MBTPS1: variants seen among roughly 807,000 people sequenced by gnomAD.
MBTPS1 encodes the protein membrane-bound transcription factor site-1 protease.
In MBTPS1, 94 loss-of-function variants were observed where a neutral mutation model predicts 127.8. The observed-to-expected ratio is 0.74, with a 90% CI of 0.62 to 0.87. The LOEUF is 0.87. Among genes scored for constraint, MBTPS1 ranks in the 40% least tolerant of loss-of-function variants. The pLI, the probability that MBTPS1 is intolerant of heterozygous loss-of-function variation, is 0.00. For synonymous variants in MBTPS1, 632 were observed against 509.4 expected (o/e 1.24, Z -3.24); for missense variants, 1,636 against 1,353.2 (o/e 1.21, Z -3.28).
intron 11 of MBTPS1, among the ~76,000 whole-genome samples, chr16:84,079,184 T>C (rs963815903): frequency 2.6e-5 from 4 of 152,204 alleles, no homozygotes; most frequent in Non-Finnish European, 2.9e-5. Context: ...TCTGCCATGA[T>C]TGGAAGCTCC....
intron 1 of MBTPS1, among the ~76,000 whole-genome samples, chr16:84,102,618 T>C (rs10514602): frequency 0.046 from 7,010 of 152,306 alleles, 521 homozygotes; most frequent in African/African-American, 0.16. Context: ...TTTCAGATTC[T>C]GTATTTCCTA....
intron 10 of MBTPS1, 44 bp from the exon 11 acceptor site, chr16:84,081,952 A>T (rs2085948742): frequency 1.5e-6 from 2 of 1,340,716 alleles, no homozygotes; most frequent in South Asian, 4.4e-5. Flanking sequence ...TCAGTAAAAG[A>T]ATGGAAATTG....
chr16:84,096,601 TAAG>T (rs1031155788), intron 3 of MBTPS1, among the ~76,000 whole-genome samples: 21 of 152,228 alleles, frequency 1.4e-4, no homozygotes, highest in Admixed American at 2.6e-4. Flanking sequence ...AAATCAGTTT[TAAG>T]AAGAGAAAAT....
chr16:84,114,484 C>T (rs1380279954), intron 1 of MBTPS1, among the ~76,000 whole-genome samples: 2 of 152,136 alleles, frequency 1.3e-5, no homozygotes, highest in Non-Finnish European at 2.9e-5. Context: ...GCAGTATTAG[C>T]TGGCCACACA....
intron 11 of MBTPS1, among the ~76,000 whole-genome samples, chr16:84,080,067 G>A (rs1157569440): frequency 6.6e-6 from 1 of 152,218 alleles, no homozygotes; most frequent in African/African-American, 2.4e-5. Flanking sequence ...AAAGTGCTCA[G>A]AAAAGGCTGG....
At chr16:84,089,107 T>C (rs2086069304) in intron 8 of MBTPS1, among the ~76,000 whole-genome samples, 1 of 152,290 alleles carries the variant, frequency 6.6e-6, no homozygotes, top group South Asian at 2.1e-4. Context: ...CAGACAGGTA[T>C]GGCCAGGAGG....
At chr16:84,108,062 C>A (rs184006012) in intron 1 of MBTPS1, among the ~76,000 whole-genome samples, 6 of 151,962 alleles carry the variant, frequency 3.9e-5, no homozygotes, top group Admixed American at 2.0e-4. Flanking sequence ...TGAGGCTTTG[C>A]AAGCACAGAC....
chr16:84,056,469 G>T (rs901443901), intron 21 of MBTPS1: 2 of 207,730 alleles, frequency 9.6e-6, no homozygotes, highest in Non-Finnish European at 2.0e-5. Flanking sequence ...AGCCTGTCAG[G>T]GGGAGGAGCT....
intron 4 of MBTPS1, among the ~76,000 whole-genome samples, chr16:84,094,911 G>A (rs542325220): frequency 6.6e-6 from 1 of 152,300 alleles, no homozygotes; most frequent in South Asian, 2.1e-4. Context: ...ATATACGAAA[G>A]ACACCGAGGC....
At chr16:84,102,776 G>T (rs2086274958) in intron 1 of MBTPS1, among the ~76,000 whole-genome samples, 1 of 152,164 alleles carries the variant, frequency 6.6e-6, no homozygotes, top group South Asian at 2.1e-4. Flanking sequence ...TTCCCTATCA[G>T]TGATATTTAA....
chr16:84,103,984 G>C (rs2086291144), intron 1 of MBTPS1, among the ~76,000 whole-genome samples: 1 of 152,152 alleles, frequency 6.6e-6, no homozygotes, highest in South Asian at 2.1e-4. Context: ...GGCACCTAAA[G>C]CCACCCTAAC....
intron 1 of MBTPS1, among the ~76,000 whole-genome samples, chr16:84,106,667 G>T (rs1479792873): frequency 2.0e-5 from 3 of 152,222 alleles, no homozygotes; most frequent in Non-Finnish European, 4.4e-5. Flanking sequence ...GGAAGAGAAA[G>T]CATGAGGCAG....
At chr16:84,115,244 T>C (rs1216817009) in intron 1 of MBTPS1, among the ~76,000 whole-genome samples, 1 of 152,176 alleles carries the variant, frequency 6.6e-6, no homozygotes, top group East Asian at 1.9e-4. Context: ...CTAGTTCTTG[T>C]TAACCTCCTG....
intron 1 of MBTPS1, among the ~76,000 whole-genome samples, chr16:84,115,031 G>A (rs2086453011): frequency 6.6e-6 from 1 of 151,510 alleles, no homozygotes; most frequent in South Asian, 2.1e-4. Context: ...TGGGTTCAAG[G>A]GATTCTCCTG....
At chr16:84,114,151 C>T (rs1301917813) in intron 1 of MBTPS1, among the ~76,000 whole-genome samples, 3 of 151,564 alleles carry the variant, frequency 2.0e-5, no homozygotes, top group Non-Finnish European at 2.9e-5. Flanking sequence ...ATTTTAGAGA[C>T]GGGGTTTCAC....
chr16:84,107,542 G>A (rs80139892), intron 1 of MBTPS1, among the ~76,000 whole-genome samples: 51 of 152,276 alleles, frequency 3.3e-4, no homozygotes, highest in African/African-American at 4.6e-4. Context: ...AACAGATCCT[G>A]AGGTTTCTAT....
At chr16:84,067,596 C>CT in intron 16 of MBTPS1, 71 bp downstream of exon 16, 4 of 1,222,180 alleles carry the variant, frequency 3.3e-6, no homozygotes, top group Non-Finnish European at 4.7e-6. Context: ...CAAATCATCA[C>CT]TTAAGTATTT....
At chr16:84,074,510 C>T in intron 12 of MBTPS1, 87 bp downstream of exon 12, 3 of 1,409,666 alleles carry the variant, frequency 2.1e-6, no homozygotes, top group Non-Finnish European at 2.9e-6. Context: ...CCTTTTTTAA[C>T]TTCAGCAGAA....
intron 15 of MBTPS1, among the ~76,000 whole-genome samples, 180 bp from the exon 16 acceptor site, chr16:84,068,003 C>T (rs2085712550): frequency 6.6e-6 from 1 of 152,240 alleles, no homozygotes; most frequent in African/African-American, 2.4e-5. Context: ...CAGCAATACA[C>T]AGCGACTAAC....
Sources: allele counts gnomAD v4.1 joint callset (sites outside exome capture counted in the v4.1 genomes callset), GRCh38; gene constraint gnomAD v4.1.1; transcripts MANE v1.5; gene names NCBI Gene and HGNC (gene_info 2026-07-23, HGNC 2026-07-21).